The following CYP4Z1 variants were observed in gnomAD, a reference collection of about 807,000 sequenced individuals.
CYP4Z1 encodes cytochrome P450 family 4 subfamily Z member 1, also known as cytochrome P450 4Z1.
A neutral mutation model predicts 54.2 loss-of-function variants in CYP4Z1; 41 were observed. The ratio of observed to expected loss-of-function variants is 0.76; its 90% CI spans 0.59 to 0.98. The LOEUF is 0.98. CYP4Z1 is among the 50% of genes least tolerant of loss of function. The pLI, the probability that CYP4Z1 is intolerant of heterozygous loss-of-function variation, is 0.00. For synonymous variants in CYP4Z1, 163 were observed against 206.2 expected, an observed-to-expected ratio of 0.79 and a Z score of 1.79; for missense variants, 513 against 599.0, an observed-to-expected ratio of 0.86 and a Z score of 1.50.
chr1:47,066,049 A>G (rs1644448060), upstream of CYP4Z1, among the ~76,000 whole-genome samples: 1 of 152,056 alleles, frequency 6.6e-6, no homozygotes, highest in Non-Finnish European at 1.5e-5. Context: ...TTTTAATACC[A>G]ACAAAAAAAA....
Position 47,084,946 on chromosome 1 carries a change from C to T in CYP4Z1, c.740C>T (p.Ser247Phe). 1 of 1,487,980 alleles carries T rather than the reference C, an allele frequency of 6.7e-7. No individual in the cohort carries two copies. Among genetic ancestry groups the T allele is most frequent in the Non-Finnish European group, 9.2e-7 (1 of 1,090,232 alleles). 92.2% of individuals were successfully genotyped at this position (1,487,980 alleles called of 1,614,324 possible). ...FKFSSQGQIF[S>F]KFNQELHQFT... ...TTCAGCTCTCAAGGCCAAATCTTTT[C>T]TAAATTTAACCAAGAACTTCATCAG... Residue 247 changes from serine (S) to phenylalanine (F), a missense_variant, in exon 6 of 12, where the codon TCT becomes TTT. Transcript: ENST00000334194.
chr1:47,117,884 G>C lies in CYP4Z1; in HGVS notation c.1468G>C (p.Val490Leu). The C allele has an allele frequency of 6.2e-7, 1 of 1,613,564 alleles. No homozygotes were observed. Among genetic ancestry groups the C allele is most frequent in the Non-Finnish European group, 8.5e-7 (1 of 1,179,758 alleles). The change falls in exon 12 of 12, where the codon GTC becomes CTC. Residue 490 changes from valine (V) to leucine (L), a missense_variant. Transcript: ENST00000334194. ...GCCTCCCCAGCCTGTTCGTCAAGTT[G>C]TCCTCAAGTCCAAGAATGGAATCCA... ...SRPPQPVRQV[V>L]LKSKNGIHVF...
chr1:47,074,452 A>T (rs1371523136), intron 2 of CYP4Z1, among the ~76,000 whole-genome samples: 1 of 151,976 alleles, frequency 6.6e-6, no homozygotes, highest in African/African-American at 2.4e-5. Flanking sequence ...AATGTCCTGC[A>T]CCTGCATCCA....
intron 9 of CYP4Z1, among the ~76,000 whole-genome samples, chr1:47,110,740 T>C (rs1161029046): frequency 6.6e-6 from 1 of 151,284 alleles, no homozygotes; most frequent in Non-Finnish European, 1.5e-5. Flanking sequence ...GAACCAAAAA[T>C]TGAAAAATGA....
intron 7 of CYP4Z1, among the ~76,000 whole-genome samples, chr1:47,098,795 C>T (rs1208035627): frequency 6.6e-6 from 1 of 152,112 alleles, no homozygotes; most frequent in Non-Finnish European, 1.5e-5. Flanking sequence ...CATTCTTGTA[C>T]ATAATAAACA....
At chr1:47,114,588 C>G (rs1644816144) in intron 9 of CYP4Z1, among the ~76,000 whole-genome samples, 1 of 151,326 alleles carries the variant, frequency 6.6e-6, no homozygotes, top group Non-Finnish European at 1.5e-5. Flanking sequence ...TGAACTCAAA[C>G]AAATTTACAA....
At chr1:47,097,837 T>TTTTTTA (rs1644689437) in intron 7 of CYP4Z1, among the ~76,000 whole-genome samples, 2 of 150,978 alleles carry the variant, frequency 1.3e-5, no homozygotes, top group African/African-American at 4.9e-5. Context: ...TTTTTTTTTT[T>TTTTTTA]GAGACTGACT....
chr1:47,085,948 G>GT (rs1357547817), intron 6 of CYP4Z1, among the ~76,000 whole-genome samples: 1 of 149,978 alleles, frequency 6.7e-6, no homozygotes, highest in African/African-American at 2.5e-5. Context: ...GCGGTGTCTG[G>GT]TTTTTTGTCC....
Position 47,116,677 on chromosome 1 carries a change from G to A in CYP4Z1, c.1294G>A (p.Glu432Lys), listed in dbSNP as rs1206792114. 7 of 1,611,574 alleles carry A rather than the reference G, an allele frequency of 4.3e-6. No homozygotes were observed. Among genetic ancestry groups the A allele is most frequent in the Non-Finnish European group, 5.9e-6 (7 of 1,178,496 alleles). Residue 432 changes from glutamate to lysine, a missense_variant, in exon 11 of 12, where the codon GAA (glutamate) becomes AAA (lysine). Transcript: ENST00000334194. ...QVFNPLRFSR[E>K]NSEKIHPYAF... Reference sequence around the variant, plus strand: ...CTTTAACCCCTTGAGATTCTCCAGGGAAAATTCTGAAAAAATACATCCCTA... The same window carrying A: ...CTTTAACCCCTTGAGATTCTCCAGGAAAAATTCTGAAAAAATACATCCCTA...
At chr1:47,068,569 G>A (rs1644467664) in intron 1 of CYP4Z1, 53 bp from the exon 2 acceptor site, 4 of 1,597,868 alleles carry the variant, frequency 2.5e-6, no homozygotes, top group East Asian at 2.2e-5. Context: ...AGGGAAAGGG[G>A]TCCTCCTGGG....
At chr1:47,076,555 T>A (rs1420934405) in intron 2 of CYP4Z1, among the ~76,000 whole-genome samples, 2 of 152,128 alleles carry the variant, frequency 1.3e-5, no homozygotes, top group African/African-American at 4.8e-5. Context: ...TGTTTAAGAA[T>A]GTCTTGTTGG....
chr1:47,115,892 T>C (rs1480309308), intron 10 of CYP4Z1, among the ~76,000 whole-genome samples: 1 of 152,224 alleles, frequency 6.6e-6, no homozygotes, highest in African/African-American at 2.4e-5. Flanking sequence ...TTCATGTCTG[T>C]AGTCAATCTA....
At chr1:47,057,335 AAT>A in the CYP4Z1 span, among the ~76,000 whole-genome samples, 16 of 28,484 alleles carry the variant, frequency 5.6e-4, no homozygotes, top group Admixed American at 2.1e-3. Context: ...AAGAAAAAAA[AAT>A]ATATATATAT....
intron 6 of CYP4Z1, among the ~76,000 whole-genome samples, chr1:47,085,965 T>G (rs913674207): frequency 1.3e-5 from 2 of 151,666 alleles, no homozygotes; most frequent in Admixed American, 1.3e-4. Flanking sequence ...GTCCTTGTGA[T>G]AGTTTGCTGA....
the CYP4Z1 span, among the ~76,000 whole-genome samples, chr1:47,058,435 C>T: frequency 3.3e-5 from 5 of 152,100 alleles, no homozygotes; most frequent in African/African-American, 4.8e-5. Context: ...TCGATCACCA[C>T]CTCACTTTGT....
chr1:47,112,948 A>G (rs1455927281), intron 9 of CYP4Z1, among the ~76,000 whole-genome samples: 1 of 151,648 alleles, frequency 6.6e-6, no homozygotes, highest in African/African-American at 2.4e-5. Flanking sequence ...TATATCCCAT[A>G]TGGTTCTATG....
intron 8 of CYP4Z1, among the ~76,000 whole-genome samples, chr1:47,100,230 A>C (rs557606518): frequency 6.6e-6 from 1 of 152,286 alleles, no homozygotes; most frequent in African/African-American, 2.4e-5. Context: ...CGTTATGTAT[A>C]AATCATGAAT....
intron 6 of CYP4Z1, among the ~76,000 whole-genome samples, chr1:47,090,216 A>C (rs755011430): frequency 6.6e-6 from 1 of 152,236 alleles, no homozygotes; most frequent in African/African-American, 2.4e-5. Flanking sequence ...AATGATAGTA[A>C]AATTTTCATA....
At chr1:47,060,476 A>G in the CYP4Z1 span, among the ~76,000 whole-genome samples, 3,152 of 143,054 alleles carry the variant, frequency 0.022, 55 homozygotes, top group South Asian at 0.044. Flanking sequence ...AGGGCATTAC[A>G]TCAAGGTAAA....
Sources: allele counts gnomAD v4.1 joint callset (sites outside exome capture counted in the v4.1 genomes callset), GRCh38; gene constraint gnomAD v4.1.1; transcripts MANE v1.5; gene names NCBI Gene and HGNC (gene_info 2026-07-23, HGNC 2026-07-21).